Variants in DLGAP2 observed in about 807,000 individuals in gnomAD.
DLGAP2 encodes DLG associated protein 2, also known as disks large-associated protein 2.
A neutral mutation model predicts 100.3 loss-of-function variants in DLGAP2; 26 were observed. That is an observed-to-expected ratio of 0.26 (90% CI 0.19 to 0.36). The LOEUF (loss-of-function observed/expected upper bound fraction) is 0.36. DLGAP2 is among the 10% of genes least tolerant of loss of function. The probability of loss-of-function intolerance (pLI) is 1.00; values close to 1 mark genes in which losing one functional copy is unlikely to be tolerated. For missense variants in DLGAP2, 1,858 were observed against 1,453.2 expected (o/e 1.28, Z -4.53); for synonymous variants, 886 against 630.1 (o/e 1.41, Z -6.08).
Position 836,874 on chromosome 8 carries a change from T to A in DLGAP2, c.19-71038T>A, listed in dbSNP as rs1466133031. Among the ~76,000 whole-genome samples, 3 of 152,260 alleles carry A rather than the reference T, an allele frequency of 2.0e-5. No homozygotes were observed. In the East Asian group the frequency reaches 5.8e-4, roughly 29 times the overall value. On this transcript the variant is annotated intron_variant, in intron 1 of 14. Transcript: ENST00000637795. ...TCTGCGCTCGTCTCCTTTCATGTTT[T>A]GCTTCCGTTCTGCCTCTCCTCGCGT... is the stretch of plus-strand genomic sequence containing the variant.
chr8:904,173 A>G (rs1378769265), intron 1 of DLGAP2, among the ~76,000 whole-genome samples: 1 of 152,238 alleles, frequency 6.6e-6, no homozygotes, highest in Non-Finnish European at 1.5e-5. Context: ...TGGTGTGTGG[A>G]CAGTGTGACC....
chr8:1,594,768 G>C (rs915143342), intron 6 of DLGAP2, among the ~76,000 whole-genome samples: 1 of 152,078 alleles, frequency 6.6e-6, no homozygotes, highest in African/African-American at 2.4e-5. Context: ...GAGTTTAACT[G>C]CCAAAAATAT....
chr8:1,131,186 GT>G (rs1330270533), intron 2 of DLGAP2, among the ~76,000 whole-genome samples: 2 of 152,058 alleles, frequency 1.3e-5, no homozygotes, highest in Non-Finnish European at 2.9e-5. Flanking sequence ...CTTTTCCCAG[GT>G]TTCAGGGGCC....
intron 13 of DLGAP2, among the ~76,000 whole-genome samples, chr8:1,696,043 C>T (rs112336108): frequency 2.5e-4 from 38 of 152,338 alleles, no homozygotes; most frequent in African/African-American, 8.9e-4. Flanking sequence ...GGTGAGGAAT[C>T]GCAGAGCTGT....
intron 6 of DLGAP2, chr8:1,621,021 T>C (rs918310965): frequency 1.5e-4 from 23 of 152,390 alleles, no homozygotes; most frequent in African/African-American, 5.3e-4. Context: ...TTTAGCATTT[T>C]GCATTAAGAA....
chr8:1,290,972 A>G (rs1233444788), intron 3 of DLGAP2, among the ~76,000 whole-genome samples: 1 of 152,244 alleles, frequency 6.6e-6, no homozygotes. Context: ...ATCCAGCCAC[A>G]GAACTTTTTC....
chr8:1,383,196 G>A (rs1386684155), intron 3 of DLGAP2, among the ~76,000 whole-genome samples: 3 of 152,060 alleles, frequency 2.0e-5, no homozygotes, highest in Admixed American at 6.6e-5. Flanking sequence ...ATTTTGTAAC[G>A]AGAAAAATAA....
chr8:1,024,533 C>T (rs748491869), intron 2 of DLGAP2, among the ~76,000 whole-genome samples: 2 of 152,218 alleles, frequency 1.3e-5, no homozygotes, highest in Non-Finnish European at 2.9e-5. Flanking sequence ...CCTGGCACAG[C>T]AGCTTGGGGG....
At chr8:1,614,324 C>A (rs1050476917) in intron 6 of DLGAP2, among the ~76,000 whole-genome samples, 8 of 152,208 alleles carry the variant, frequency 5.3e-5, no homozygotes, top group African/African-American at 1.9e-4. Flanking sequence ...GTGAATCTCA[C>A]CTCAGAACTG....
At chr8:1,181,721 G>C (rs975491443) in intron 2 of DLGAP2, among the ~76,000 whole-genome samples, 2 of 152,156 alleles carry the variant, frequency 1.3e-5, no homozygotes, top group Non-Finnish European at 2.9e-5. Context: ...TGGGAAGAAT[G>C]TAAATTTGCA....
chr8:1,288,400 GGTT>G (rs1309436641), intron 3 of DLGAP2, among the ~76,000 whole-genome samples: 5 of 142,914 alleles, frequency 3.5e-5, no homozygotes, highest in Admixed American at 2.1e-4. Context: ...GTGTGTGTGT[GGTT>G]GTTAGGAGGG....
chr8:1,513,772 C>G (rs370383292), intron 4 of DLGAP2, among the ~76,000 whole-genome samples: 1 of 152,122 alleles, frequency 6.6e-6, no homozygotes, highest in Non-Finnish European at 1.5e-5. Flanking sequence ...ACAGAGAAAT[C>G]CTGGGCACCC....
At chr8:944,857 A>G (rs1799279032) in intron 2 of DLGAP2, among the ~76,000 whole-genome samples, 1 of 150,946 alleles carries the variant, frequency 6.6e-6, no homozygotes, top group Non-Finnish European at 1.5e-5. Flanking sequence ...GTGGTTGGTA[A>G]CGACTTTGTG....
chr8:820,819 A>T (rs1401707919), intron 1 of DLGAP2, among the ~76,000 whole-genome samples: 1 of 152,210 alleles, frequency 6.6e-6, no homozygotes. Flanking sequence ...AATACTCAAG[A>T]GTAAGGGATT....
chr8:881,496 CTTTTTTTTTTTTT>C (rs533557661), intron 1 of DLGAP2, among the ~76,000 whole-genome samples: 2 of 85,630 alleles, frequency 2.3e-5, no homozygotes, highest in African/African-American at 8.9e-5. Context: ...TTTCATCTCT[CTTTTTTTTTTTTT>C]TTTTTTTTGA....
intron 2 of DLGAP2, among the ~76,000 whole-genome samples, chr8:1,076,511 G>T (rs963875890): frequency 6.6e-6 from 1 of 152,248 alleles, no homozygotes; most frequent in Non-Finnish European, 1.5e-5. Context: ...CACCTGGGTT[G>T]GTCTCGGAAG....
At chr8:1,048,356 T>A (rs1802573109) in intron 2 of DLGAP2, among the ~76,000 whole-genome samples, 1 of 152,056 alleles carries the variant, frequency 6.6e-6, no homozygotes, top group South Asian at 2.1e-4. Context: ...CCATCTGACT[T>A]CAAAGCCGTT....
intron 2 of DLGAP2, among the ~76,000 whole-genome samples, chr8:1,200,412 C>T (rs1000434591): frequency 6.6e-6 from 1 of 152,218 alleles, no homozygotes; most frequent in Non-Finnish European, 1.5e-5. Flanking sequence ...CAGTCACTAG[C>T]AGTTGTTCTG....
At chr8:1,078,139 C>G (rs568910156) in intron 2 of DLGAP2, among the ~76,000 whole-genome samples, 30 of 152,254 alleles carry the variant, frequency 2.0e-4, no homozygotes, top group Admixed American at 3.9e-4. Flanking sequence ...CCTTCCAGCT[C>G]CCTCAACACG....
Sources: allele counts gnomAD v4.1 joint callset (sites outside exome capture counted in the v4.1 genomes callset), GRCh38; gene constraint gnomAD v4.1.1; transcripts MANE v1.5; gene names NCBI Gene and HGNC (gene_info 2026-07-23, HGNC 2026-07-21).